CHSY3: variants seen among roughly 807,000 people sequenced by gnomAD.
The protein encoded by CHSY3 is N-acetylgalactosaminyl-proteoglycan 3-beta-glucuronosyltransferase 3.
CHSY3 carries 35 observed loss-of-function variants against 67.2 expected under a neutral mutation model. That is an observed-to-expected ratio of 0.52 (90% CI 0.40 to 0.69). The LOEUF (loss-of-function observed/expected upper bound fraction) is 0.69, where lower values mean the gene tolerates loss of function less well. Among genes scored for constraint, CHSY3 ranks in the 30% least tolerant of loss-of-function variants. The pLI is 0.00. For synonymous variants in CHSY3, 474 were observed against 434.7 expected (o/e 1.09, Z -1.12); for missense variants, 1,069 against 1,138.5 (o/e 0.94, Z 0.88).
intron 2 of CHSY3, among the ~76,000 whole-genome samples, chr5:129,920,477 C>A (rs1006709652): frequency 2.6e-5 from 4 of 152,304 alleles, no homozygotes; most frequent in Admixed American, 6.5e-5. Flanking sequence ...AGCTCCTGAT[C>A]TCGTGATCCA....
intron 2 of CHSY3, among the ~76,000 whole-genome samples, chr5:129,938,980 G>T (rs1449860372): frequency 6.6e-6 from 1 of 152,090 alleles, no homozygotes; most frequent in African/African-American, 2.4e-5. Flanking sequence ...TTCTCACACT[G>T]CTATAAACAC....
rs7713099 is a variant in CHSY3 at position 130,123,782 on chromosome 5, G to A, written c.1087-60447G>A. Among the ~76,000 whole-genome samples, 1,201 of 152,188 alleles carry A rather than the reference G, an allele frequency of 7.9e-3. 17 individuals are homozygous for A. Among genetic ancestry groups the A allele is most frequent in the African/African-American group, 0.028 (1,151 of 41,498 alleles). ...TAAAGAAGTAAACAGTTCTGGCCAG[G>A]CGTAGTGGCTCACCCCTATAATCCC... On this transcript the variant is annotated intron_variant, in intron 2 of 2. Coordinates refer to ENST00000305031, the MANE Select transcript of CHSY3 (RefSeq NM_175856.5).
chr5:129,935,895 T>C (rs1761471658), intron 2 of CHSY3, among the ~76,000 whole-genome samples: 1 of 152,158 alleles, frequency 6.6e-6, no homozygotes, highest in Non-Finnish European at 1.5e-5. Context: ...ATCAAATTTC[T>C]GCAGAGGAGT....
At chr5:130,139,783 C>T (rs1274049126) in intron 2 of CHSY3, among the ~76,000 whole-genome samples, 1 of 152,066 alleles carries the variant, frequency 6.6e-6, no homozygotes, top group Non-Finnish European at 1.5e-5. Context: ...TATTAGATTG[C>T]TTAGTAGTAT....
At chr5:130,078,850 G>A (rs1348390180) in intron 2 of CHSY3, among the ~76,000 whole-genome samples, 1 of 152,146 alleles carries the variant, frequency 6.6e-6, no homozygotes, top group African/African-American at 2.4e-5. Flanking sequence ...GCCTATTGGA[G>A]AGGCTGTGAA....
rs561751370 is a variant in CHSY3, at chr5:130,129,196, C to T, written c.1087-55033C>T. On this transcript the variant is annotated intron_variant, in intron 2 of 2. Coordinates refer to ENST00000305031, the MANE Select transcript of CHSY3 (RefSeq NM_175856.5). ...GTATGCCCAAAATATAACATTAATA[C>T]AAGATAGCATCATCAATTTAGCTTA... Among the ~76,000 whole-genome samples the T allele has an allele frequency of 2.6e-4, 39 of 152,184 alleles. 1 individual carries two copies. In the South Asian group the frequency reaches 8.1e-3, roughly 32 times the overall value.
intron 2 of CHSY3, among the ~76,000 whole-genome samples, chr5:130,149,202 G>C (rs1769161591): frequency 6.6e-6 from 1 of 152,060 alleles, no homozygotes. Flanking sequence ...TTTATAGCAA[G>C]ACCCCACTCC....
At chr5:130,147,605 G>T (rs185209630) in intron 2 of CHSY3, among the ~76,000 whole-genome samples, 1 of 152,156 alleles carries the variant, frequency 6.6e-6, no homozygotes, top group African/African-American at 2.4e-5. Context: ...AATTTACAAA[G>T]AAAATAAATT....
At chr5:130,094,231 A>G (rs7713603) in intron 2 of CHSY3, among the ~76,000 whole-genome samples, 71,881 of 151,830 alleles carry the variant, frequency 0.47, 17,588 homozygotes, top group African/African-American at 0.6. Flanking sequence ...CTGAACTATA[A>G]ACTTCTTAAG....
chr5:130,182,836 T>C (rs2149738029), intron 2 of CHSY3, among the ~76,000 whole-genome samples: 1 of 152,240 alleles, frequency 6.6e-6, no homozygotes, highest in South Asian at 2.1e-4. Flanking sequence ...CACAAATCTC[T>C]TTTTATGCTT....
intron 2 of CHSY3, among the ~76,000 whole-genome samples, chr5:129,991,854 T>G (rs1763377659): frequency 6.6e-6 from 1 of 152,090 alleles, no homozygotes; most frequent in Non-Finnish European, 1.5e-5. Context: ...AATACGACAA[T>G]TAATGACGTC....
At chr5:129,906,162 T>C (rs1760286301) in intron 1 of CHSY3, among the ~76,000 whole-genome samples, 1 of 152,172 alleles carries the variant, frequency 6.6e-6, no homozygotes, top group Non-Finnish European at 1.5e-5. Context: ...AGGAATCGTC[T>C]TCGCTGTCCC....
At chr5:130,018,563 C>T (rs568437280) in intron 2 of CHSY3, among the ~76,000 whole-genome samples, 46 of 152,280 alleles carry the variant, frequency 3.0e-4, no homozygotes, top group Admixed American at 2.1e-3. Flanking sequence ...AGAATTTTGT[C>T]ATGGTTATAT....
At chr5:129,919,175 A>G (rs1010195026) in intron 2 of CHSY3, among the ~76,000 whole-genome samples, 5 of 151,760 alleles carry the variant, frequency 3.3e-5, no homozygotes, top group Non-Finnish European at 5.9e-5. Flanking sequence ...AGGTAAAATC[A>G]TGATTCTTGC....
intron 2 of CHSY3, among the ~76,000 whole-genome samples, chr5:129,937,771 C>A (rs1417500768): frequency 6.6e-6 from 1 of 152,174 alleles, no homozygotes; most frequent in African/African-American, 2.4e-5. Flanking sequence ...CCCAGCAGGG[C>A]AGTTATTAAA....
intron 2 of CHSY3, among the ~76,000 whole-genome samples, chr5:129,922,212 C>A (rs1760947980): frequency 6.6e-6 from 1 of 152,182 alleles, no homozygotes; most frequent in Admixed American, 6.5e-5. Context: ...ACATGTAGCA[C>A]ATTTTCTTTA....
chr5:129,946,515 A>G lies in CHSY3; in HGVS notation c.1086+38155A>G, dbSNP rs75346363. 9.9e-3 allele frequency among the ~76,000 whole-genome samples: 1,509 copies of G among 152,250 alleles called. 27 individuals carry two copies. Among genetic ancestry groups the G allele is most frequent in the African/African-American group, 0.035 (1,446 of 41,544 alleles). On this transcript the variant is annotated intron_variant, in intron 2 of 2. Transcript: ENST00000305031. ...TTTTAATCTATAATTTCCATACACT[A>G]AAAAAACTATAGTTACTATGCTATA...
In CHSY3 at chr5:130,185,271, A is replaced by T. The variant is rs1770381630; in HGVS notation, c.2129A>T (p.Asn710Ile). 1 of 1,609,878 alleles carries T rather than the reference A, an allele frequency of 6.2e-7. No individual in the cohort carries two copies. The highest frequency in any genetic ancestry group is 8.5e-7 in the Non-Finnish European group (1 of 1,176,350). Residue 710 changes from asparagine to isoleucine, a missense_variant, in exon 3 of 3, where the codon AAT becomes ATT. Around this residue, in one of 5 missense-constraint regions of CHSY3, gnomAD observed 401 missense variants for 395.2 expected, o/e 1.01. Coordinates refer to ENST00000305031, the MANE Select transcript of CHSY3 (RefSeq NM_175856.5). ...GLEMASAQFD[N>I]DTLLLFCDVD... ...GAAATGGCTTCTGCCCAGTTTGACA[A>T]TGACACTTTGCTGCTATTTTGTGAT...
chr5:130,063,694 T>C (rs1054807673), intron 2 of CHSY3, among the ~76,000 whole-genome samples: 2 of 152,102 alleles, frequency 1.3e-5, no homozygotes, highest in African/African-American at 4.8e-5. Flanking sequence ...TTTCTCACAG[T>C]TCTGGAGGTT....
Sources: gnomAD v4.1 joint callset for allele counts (sites outside exome capture counted in the v4.1 genomes callset) on GRCh38, gnomAD v4.1.1 for gene constraint, gnomAD v4.1.1 regional missense constraint, MANE v1.5 for transcripts, NCBI Gene and HGNC (gene_info 2026-07-23, HGNC 2026-07-21) for gene names.